Variants in PTPRQ observed in about 807,000 individuals in gnomAD.
PTPRQ encodes the protein protein tyrosine phosphatase receptor type Q.
Under a neutral mutation model 246.0 loss-of-function variants are expected in PTPRQ, and 199 were observed. That is an observed-to-expected ratio of 0.81 (90% confidence interval 0.72 to 0.91). The LOEUF (loss-of-function observed/expected upper bound fraction) is 0.91. Ranked by LOEUF, PTPRQ falls within the 40% of genes least tolerant of loss-of-function variation. The probability of loss-of-function intolerance (pLI) is 0.00; values close to 1 mark genes in which losing one functional copy is unlikely to be tolerated. For synonymous variants in PTPRQ, 869 were observed against 853.2 expected, an observed-to-expected ratio of 1.02 and a Z score of -0.32; for missense variants, 2,624 against 2,528.4, an observed-to-expected ratio of 1.04 and a Z score of -0.81.
intron 25 of PTPRQ, among the ~76,000 whole-genome samples, chr12:80,557,595 A>G (rs1002529871): frequency 1.3e-5 from 2 of 152,120 alleles, no homozygotes; most frequent in Non-Finnish European, 2.9e-5. Flanking sequence ...TTAAACAGTT[A>G]TGTATTAAAA....
intron 25 of PTPRQ, among the ~76,000 whole-genome samples, chr12:80,572,037 T>C (rs1308457832): frequency 6.6e-6 from 1 of 152,062 alleles, no homozygotes; most frequent in African/African-American, 2.4e-5. Flanking sequence ...TAAATTATAA[T>C]GATCTTATTA....
chr12:80,670,110 G>T (rs1900921819), intron 41 of PTPRQ, among the ~76,000 whole-genome samples: 1 of 151,930 alleles, frequency 6.6e-6, no homozygotes, highest in Admixed American at 6.6e-5. Flanking sequence ...GAATATTAAT[G>T]TCCTATATTA....
intron 33 of PTPRQ, among the ~76,000 whole-genome samples, chr12:80,629,037 T>C (rs1038409895): frequency 2.0e-5 from 3 of 152,024 alleles, no homozygotes; most frequent in African/African-American, 4.8e-5. Context: ...GAGGGCTCTC[T>C]TTCTGGCTTA....
intron 17 of PTPRQ, among the ~76,000 whole-genome samples, chr12:80,512,989 G>A (rs891996920): frequency 1.3e-5 from 2 of 152,078 alleles, no homozygotes; most frequent in Non-Finnish European, 2.9e-5. Context: ...CATGCAGACG[G>A]GCAGGCTGTG....
chr12:80,497,485 G>C (rs1894666198), intron 14 of PTPRQ, among the ~76,000 whole-genome samples: 1 of 152,056 alleles, frequency 6.6e-6, no homozygotes, highest in Non-Finnish European at 1.5e-5. Context: ...CCTGCTGTGT[G>C]GCCCAGTTCC....
At chr12:80,480,258 T>G (rs1403592706) in intron 8 of PTPRQ, among the ~76,000 whole-genome samples, 2 of 152,182 alleles carry the variant, frequency 1.3e-5, no homozygotes, top group African/African-American at 4.8e-5. Flanking sequence ...CTGAACAACC[T>G]GCTCCTGAAT....
intron 24 of PTPRQ, among the ~76,000 whole-genome samples, chr12:80,549,169 G>C (rs995421487): frequency 1.3e-5 from 2 of 152,016 alleles, no homozygotes; most frequent in African/African-American, 2.4e-5. Context: ...CCTGGGCCTG[G>C]GCTTGAGGCT....
chr12:80,467,204 A>G (rs1410055443), intron 6 of PTPRQ, among the ~76,000 whole-genome samples: 1 of 152,158 alleles, frequency 6.6e-6, no homozygotes, highest in Non-Finnish European at 1.5e-5. Context: ...AAGGACATGA[A>G]CAGACACTTC....
intron 25 of PTPRQ, among the ~76,000 whole-genome samples, chr12:80,579,378 C>A (rs1048912834): frequency 1.3e-5 from 2 of 152,096 alleles, no homozygotes; most frequent in African/African-American, 2.4e-5. Context: ...TTTTTCCCAG[C>A]CCTTGACAAA....
At chr12:80,482,527 G>C (rs1353746459) in intron 8 of PTPRQ, among the ~76,000 whole-genome samples, 1 of 150,842 alleles carries the variant, frequency 6.6e-6, no homozygotes, top group African/African-American at 2.5e-5. Context: ...TGACAAATGG[G>C]ATCTAATTAA....
In PTPRQ at chr12:80,542,357, T is replaced by C; in HGVS notation, c.3714T>C (p.Asp1238=). 6.5e-7 allele frequency: 1 copy of C among 1,533,834 alleles called. No homozygotes were observed. The highest frequency in any genetic ancestry group is 8.7e-7 in the Non-Finnish European group (1 of 1,143,032). Residue 1238 remains aspartate, a synonymous_variant, in exon 22 of 45, where the codon GAT becomes GAC. Coordinates refer to ENST00000644991, the MANE Select transcript of PTPRQ (RefSeq NM_001145026.2). ...CCAGTATTCTTTTCTTTTACACAGATGAGTCAGGTAAGCCAGAATCCACAT... is the reference window on the plus strand; with the variant it reads ...CCAGTATTCTTTTCTTTTACACAGACGAGTCAGGTAAGCCAGAATCCACAT... The part of the protein sequence containing the change: ...GPSSILFFYT[D]ESVPLAPPQN...
chr12:80,664,991 A>G (rs1446156539), intron 39 of PTPRQ, among the ~76,000 whole-genome samples: 2 of 151,952 alleles, frequency 1.3e-5, no homozygotes, highest in Non-Finnish European at 2.9e-5. Context: ...GTATATATGA[A>G]GGGGCGTTTA....
rs887212117 is a variant in PTPRQ at position 80,461,029 on chromosome 12, G to A, written c.910+127G>A. ...TTTTTCCCCTAATAATATACCATAG[G>A]CATCCCATCAAGGGTTTCTTCGAAT... On this transcript the variant is annotated intron_variant, in intron 6 of 44. Transcript: ENST00000644991. 1.3e-5 allele frequency: 5 copies of A among 388,414 alleles called. No individual in the cohort carries two copies. In the South Asian group the frequency reaches 5.8e-4, roughly 45 times the overall value. 24.1% of individuals were successfully genotyped at this position (388,414 alleles called of 1,614,324 possible).
intron 5 of PTPRQ, among the ~76,000 whole-genome samples, chr12:80,460,270 A>AG (rs1311679874): frequency 6.6e-6 from 1 of 152,190 alleles, no homozygotes; most frequent in African/African-American, 2.4e-5. Flanking sequence ...AGTACTTATG[A>AG]GAAAAAAAAG....
In PTPRQ at chr12:80,549,609, A is replaced by G; in HGVS notation, c.4160A>G (p.Gln1387Arg). 1.9e-6 allele frequency: 3 copies of G among 1,551,270 alleles called. No homozygotes were observed. The highest frequency in any genetic ancestry group is 2.6e-6 in the Non-Finnish European group (3 of 1,146,640). Residue 1387 changes from glutamine (Q) to arginine (R), a missense_variant, in exon 25 of 45, where the codon CAA becomes CGA. Gln to Arg is a conservative substitution (Grantham distance 43). Transcript: ENST00000644991. ...AGGAATTCTACAAAAGTTTCTCCCC[A>G]AGATCACATGTACACTTTCATAAAG... ...VERNSTKVSP[Q>R]DHMYTFIKLL...
At position 80,457,166 on chromosome 12, in the gene PTPRQ, T is replaced by C. The variant is rs1893006759; in HGVS notation, c.391-409T>C. On this transcript the variant is annotated intron_variant, in intron 3 of 44. Coordinates refer to ENST00000644991, the MANE Select transcript of PTPRQ (RefSeq NM_001145026.2). ...TAAAACAGTTTTTTGAGTATTTGTT[T>C]GCCTGATTAGATTGTGAACTCTAAA... Among the ~76,000 whole-genome samples the C allele has an allele frequency of 2.0e-5, 3 of 152,152 alleles. No homozygotes were observed. The South Asian group carries it at 6.2e-4, about 31-fold the overall frequency.
At chr12:80,500,278 A>G (rs1894757992) in intron 14 of PTPRQ, among the ~76,000 whole-genome samples, 1 of 152,000 alleles carries the variant, frequency 6.6e-6, no homozygotes, top group Non-Finnish European at 1.5e-5. Context: ...TCAGTTATCT[A>G]CTTTATAAAA....
At chr12:80,667,537 A>G (rs979264658) in intron 39 of PTPRQ, among the ~76,000 whole-genome samples, 6 of 151,892 alleles carry the variant, frequency 4.0e-5, no homozygotes, top group African/African-American at 1.4e-4. Context: ...GACAATGTCT[A>G]TTTCTCCTAA....
At chr12:80,515,738 A>G (rs1400546568) in intron 17 of PTPRQ, among the ~76,000 whole-genome samples, 1 of 101,428 alleles carries the variant, frequency 9.9e-6, no homozygotes, top group South Asian at 3.5e-4. Context: ...CTGACTGAAT[A>G]TTTCTTTTTT....
Sources: allele counts gnomAD v4.1 joint callset (sites outside exome capture counted in the v4.1 genomes callset), GRCh38; gene constraint gnomAD v4.1.1; transcripts MANE v1.5; gene names NCBI Gene and HGNC (gene_info 2026-07-23, HGNC 2026-07-21).